SF1: variants seen among roughly 807,000 people sequenced by gnomAD.
SF1 encodes splicing factor 1, also known as branch point-binding protein.
In SF1, 7 loss-of-function variants were observed where a neutral mutation model predicts 62.5. That is an observed-to-expected ratio of 0.11 (90% CI 0.06 to 0.21). The LOEUF (loss-of-function observed/expected upper bound fraction) is 0.21. Ranked by LOEUF, SF1 falls within the 10% of genes least tolerant of loss-of-function variation. The pLI is 1.00. For missense variants in SF1, 578 were observed against 884.0 expected (o/e 0.65, Z 4.39); for synonymous variants, 394 against 323.6 (o/e 1.22, Z -2.33).
At chr11:64,777,776 T>TGCCCCCCCCCCCCCC in intron 1 of SF1, 1 of 960,818 alleles carries the variant, frequency 1.0e-6, no homozygotes, top group Non-Finnish European at 1.2e-6. Context: ...ACAGAGCGCC[T>TGCCCCCCCCCCCCCC]CCCGCCCGCC....
intron 12 of SF1, chr11:64,766,640 C>T (rs2058692882): frequency 6.8e-6 from 3 of 441,198 alleles, no homozygotes; most frequent in Non-Finnish European, 1.2e-5. Context: ...AGGGTCTGGA[C>T]TTCTGGCCCC....
At position 64,776,666 on chromosome 11, in the gene SF1, G is replaced by A. The variant is rs760407421; in HGVS notation, c.32-40C>T. On this transcript the variant is annotated intron_variant, in intron 1 of 12. Transcript: ENST00000377390. ...CAAAATCCATCCGATGTAAATACAA[G>A]TAGTTATCAACAGACAGCTAAGGGT... 10 of 1,596,568 alleles carry A rather than the reference G, an allele frequency of 6.3e-6. No individual in the cohort carries two copies. In the East Asian group the frequency reaches 6.7e-5, roughly 11 times the overall value.
chr11:64,773,956 G>C (rs1417193597), intron 2 of SF1, among the ~76,000 whole-genome samples: 1 of 152,092 alleles, frequency 6.6e-6, no homozygotes, highest in Admixed American at 6.5e-5. Context: ...CCCAAAATGA[G>C]ACCCAATTAA....
chr11:64,776,766 C>A, intron 1 of SF1, 140 bp from the exon 2 acceptor site: 2 of 775,448 alleles, frequency 2.6e-6, no homozygotes, highest in South Asian at 1.9e-5. Flanking sequence ...ATTAAAAAAA[C>A]AGAAAACAAA....
chr11:64,777,021 AC>A (rs1240727665), intron 1 of SF1, among the ~76,000 whole-genome samples: 1 of 152,182 alleles, frequency 6.6e-6, no homozygotes, highest in Admixed American at 6.5e-5. Context: ...TCCTGATGGG[AC>A]TGGGGGCTCC....
intron 8 of SF1, among the ~76,000 whole-genome samples, 197 bp downstream of exon 8, chr11:64,768,825 T>C (rs1347820763): frequency 1.3e-5 from 2 of 152,200 alleles, no homozygotes; most frequent in East Asian, 1.9e-4. Context: ...TCCAGTTTTC[T>C]TGGGCTCAAG....
rs762793861 is a variant in SF1 at position 64,773,509 on chromosome 11, G to C, written c.161-4C>G. The stretch of plus-strand genomic sequence containing the variant: ...AGGTCTTCTATCTGCAGTTGCACTG[G>C]AAGAAACCAGGTTAGGAAAGAAAAA... On this transcript the variant is annotated splice_polypyrimidine_tract_variant and splice_region_variant and intron_variant, in intron 2 of 12. Coordinates refer to ENST00000377390, the MANE Select transcript of SF1 (RefSeq NM_004630.4). 1.9e-6 allele frequency: 3 copies of C among 1,610,200 alleles called. No homozygotes were observed. The highest frequency in any genetic ancestry group is 8.5e-7 in the Non-Finnish European group (1 of 1,178,916).
Position 64,773,470 on chromosome 11 carries a change from G to A in SF1, c.196C>T (p.Arg66Cys). ...LQIEDLTRKL[R>C]TGDLGIPPNP... ...GGGGGGATGCCCAGGTCTCCTGTGC[G>A]CAGTTTACGAGTCAGGTCTTCTATC... The change falls in exon 3 of 13, where the codon CGC becomes TGC. Residue 66 changes from arginine to cysteine, a missense_variant. By Grantham distance (180) the Arg-to-Cys change is radical. This residue lies in a region of SF1 where 68 missense variants were observed against 170.7 expected (regional missense o/e 0.40). Transcript: ENST00000377390. 6.2e-7 allele frequency: 1 copy of A among 1,613,384 alleles called. No individual in the cohort carries two copies. The highest frequency in any genetic ancestry group is 8.5e-7 in the Non-Finnish European group (1 of 1,179,742).
chr11:64,772,453 A>C (rs1456203965), intron 3 of SF1: 1 of 985,202 alleles, frequency 1.0e-6, no homozygotes, highest in Non-Finnish European at 1.2e-6. Context: ...CAAGGAAGTT[A>C]ATGTTTCCTG....
At position 64,766,060 on chromosome 11, in the gene SF1, T is replaced by A. The variant is rs1317400160; in HGVS notation, c.1678A>T (p.Met560Leu). ...AAAASPGAPQ[M>L]QGNPTMVPLP... is the part of the protein sequence containing the mutation. ...GGCACCATAGTGGGGTTGCCTTGCA[T>A]CTGAGGGGCTCCTGGAGAAGCTGCG... Residue 560 changes from methionine to leucine, a missense_variant, in exon 13 of 13, where the codon ATG (methionine) becomes TTG (leucine). By Grantham distance (15) the Met-to-Leu change is conservative (BLOSUM62 2). Coordinates refer to ENST00000377390, the MANE Select transcript of SF1 (RefSeq NM_004630.4). 6.2e-7 allele frequency: 1 copy of A among 1,611,784 alleles called. No homozygotes were observed. Among genetic ancestry groups the A allele is most frequent in the Admixed American group, 1.7e-5 (1 of 59,992 alleles).
chr11:64,769,975 G>A lies in SF1; in HGVS notation c.468C>T (p.Leu156=), dbSNP rs1166992709. The change falls in exon 5 of 13, where the codon CTC becomes CTT. Residue 156 remains leucine, a synonymous_variant. Coordinates refer to ENST00000377390, the MANE Select transcript of SF1 (RefSeq NM_004630.4). Reference sequence around the variant, plus strand: ...CAGCAGTTACTCACCTGGGCCCGATGAGCAGCCCCACAAAGTTGATTTCTG... The same window carrying A: ...CAGCAGTTACTCACCTGGGCCCGATAAGCAGCCCCACAAAGTTGATTTCTG... ...EYPEINFVGL[L]IGPRGNTLKN... 1.2e-5 allele frequency: 20 copies of A among 1,611,776 alleles called. No individual in the cohort carries two copies. The highest frequency in any genetic ancestry group is 1.6e-5 in the Non-Finnish European group (19 of 1,177,882).
At chr11:64,775,300 C>G (rs534602876) in intron 2 of SF1, among the ~76,000 whole-genome samples, 1 of 152,258 alleles carries the variant, frequency 6.6e-6, no homozygotes, top group Admixed American at 6.5e-5. Context: ...TCCACAAAAA[C>G]AGAAATGGAG....
rs373736378 is a variant in SF1, at chr11:64,767,574, T to C, written c.1339A>G (p.Met447Val). 38 of 1,553,272 alleles carry C rather than the reference T, an allele frequency of 2.4e-5. No individual in the cohort carries two copies. Among genetic ancestry groups the C allele is most frequent in the East Asian group, 9.1e-5 (4 of 44,128 alleles). ...TTCTGGTCTGACACTTACTTACCCA[T>C]TGGAGGAGGGCCATGGTGCCCAGGA... Reference protein sequence around the residue: ...HPPGHHGPPPMDQYLGSTPVG... With the variant: ...HPPGHHGPPPVDQYLGSTPVG... Residue 447 changes from methionine to valine, a missense_variant, in exon 10 of 13, where the codon ATG becomes GTG. By Grantham distance (21) the Met-to-Val change is conservative. Around this residue, in one of 7 missense-constraint regions of SF1, gnomAD observed 410 missense variants for 452.4 expected, o/e 0.91. Coordinates refer to ENST00000377390, the MANE Select transcript of SF1 (RefSeq NM_004630.4).
At chr11:64,770,945 GGA>G (rs1334420441) in intron 3 of SF1, among the ~76,000 whole-genome samples, 1 of 152,294 alleles carries the variant, frequency 6.6e-6, no homozygotes, top group African/African-American at 2.4e-5. Context: ...CCCCCACAAT[GGA>G]GAGAGATGGT....
At chr11:64,768,605 CTA>C (rs1256136211) in intron 8 of SF1, among the ~76,000 whole-genome samples, 2 of 152,244 alleles carry the variant, frequency 1.3e-5, no homozygotes, top group Non-Finnish European at 2.9e-5. Context: ...AAAGGAAAAT[CTA>C]TGCAAGACTG....
intron 8 of SF1, among the ~76,000 whole-genome samples, chr11:64,768,493 G>C (rs1937723701): frequency 6.6e-6 from 1 of 152,228 alleles, no homozygotes; most frequent in Non-Finnish European, 1.5e-5. Flanking sequence ...GGGATCACCA[G>C]AGTAGAGGGG....
intron 1 of SF1, chr11:64,778,155 G>A: frequency 2.3e-6 from 2 of 865,156 alleles, no homozygotes; most frequent in Non-Finnish European, 2.9e-6. Flanking sequence ...GGCTGCTGGG[G>A]AGGCGGAGGG....
intron 3 of SF1, chr11:64,772,355 A>C (rs1938458168): frequency 1.0e-6 from 1 of 984,098 alleles, no homozygotes; most frequent in Non-Finnish European, 1.2e-6. Context: ...AAAGAAACGA[A>C]ACACAACACA....
rs1052040956 is a variant in SF1 at position 64,778,269 on chromosome 11, G to A, written c.31+93C>T. On this transcript the variant is annotated intron_variant, in intron 1 of 12. Coordinates refer to ENST00000377390, the MANE Select transcript of SF1 (RefSeq NM_004630.4). ...GGCGGCGGCGGCCCGGGAGCCAGCA[G>A]CCCCGCCCCAGGCCCGGGTGCAGGC... The A allele has an allele frequency of 1.6e-5, 20 of 1,213,520 alleles. No homozygotes were observed. The East Asian group carries it at 5.3e-4, about 32-fold the overall frequency. 75.2% of individuals were successfully genotyped at this position (1,213,520 alleles called of 1,614,324 possible). A position where few individuals can be genotyped will look rare whatever the true frequency, so the allele number is the denominator to read the frequency against.
Sources: gnomAD v4.1 joint callset for allele counts (sites outside exome capture counted in the v4.1 genomes callset) on GRCh38, gnomAD v4.1.1 for gene constraint, gnomAD v4.1.1 regional missense constraint, MANE v1.5 for transcripts, NCBI Gene and HGNC (gene_info 2026-07-23, HGNC 2026-07-21) for gene names.